The following ANKRD12 variants were observed in gnomAD, a reference collection of about 807,000 sequenced individuals.
ANKRD12 encodes the protein ankyrin repeat domain 12, also known as ankyrin repeat domain-containing protein 12.
A neutral mutation model predicts 183.4 loss-of-function variants in ANKRD12; 85 were observed. The ratio of observed to expected loss-of-function variants is 0.46; its 90% CI spans 0.39 to 0.56. The LOEUF (loss-of-function observed/expected upper bound fraction) is 0.56. Ranked by LOEUF, ANKRD12 falls within the 20% of genes least tolerant of loss-of-function variation. The pLI is 0.00. For missense variants in ANKRD12, 2,405 were observed against 2,357.1 expected, an observed-to-expected ratio of 1.02 and a Z score of -0.42; for synonymous variants, 914 against 800.2, an observed-to-expected ratio of 1.14 and a Z score of -2.40.
In ANKRD12 at chr18:9,279,535, C is replaced by G; in HGVS notation, c.5908-14C>G. On this transcript the variant is annotated splice_polypyrimidine_tract_variant and intron_variant, in intron 11 of 12. Transcript: ENST00000262126. ...GATTTATTGTATTTTATAATACTCA[C>G]TTTTCTCTTTTAGTCTGATGACAGT... The G allele has an allele frequency of 1.3e-6, 2 of 1,496,772 alleles. No homozygotes were observed. Among genetic ancestry groups the G allele is most frequent in the East Asian group, 4.5e-5 (2 of 44,054 alleles). 92.7% of individuals were successfully genotyped at this position (1,496,772 alleles called of 1,614,324 possible).
At chr18:9,203,547 T>C (rs751981234) in intron 3 of ANKRD12, among the ~76,000 whole-genome samples, 22 of 152,284 alleles carry the variant, frequency 1.4e-4, no homozygotes, top group Non-Finnish European at 3.2e-4. Flanking sequence ...CATATTTCTC[T>C]GTCATGAATT....
chr18:9,204,046 T>C (rs1324604119), intron 3 of ANKRD12, among the ~76,000 whole-genome samples: 1 of 152,244 alleles, frequency 6.6e-6, no homozygotes, highest in Non-Finnish European at 1.5e-5. Context: ...TGTAGGATGA[T>C]GTTGCAGTCC....
intron 7 of ANKRD12, among the ~76,000 whole-genome samples, 178 bp from the exon 8 acceptor site, chr18:9,221,674 G>A (rs1156288066): frequency 1.3e-5 from 2 of 152,132 alleles, no homozygotes; most frequent in African/African-American, 4.8e-5. Context: ...TTATCAGATA[G>A]GGGAGTGTCA....
chr18:9,175,472 C>G (rs1444823337), intron 1 of ANKRD12, among the ~76,000 whole-genome samples: 1 of 147,500 alleles, frequency 6.8e-6, no homozygotes, highest in Non-Finnish European at 1.5e-5. Flanking sequence ...CAGAAATGGT[C>G]CCAAGGCTTC....
At chr18:9,270,711 A>G (rs545451307) in intron 10 of ANKRD12, among the ~76,000 whole-genome samples, 17 of 152,216 alleles carry the variant, frequency 1.1e-4, no homozygotes, top group Non-Finnish European at 2.2e-4. Flanking sequence ...GCACATGTAT[A>G]CATATGTAAC....
intron 2 of ANKRD12, among the ~76,000 whole-genome samples, chr18:9,186,417 T>C (rs1308481999): frequency 6.6e-6 from 1 of 152,210 alleles, no homozygotes; most frequent in East Asian, 1.9e-4. Context: ...TCTCAGTCTC[T>C]GTTTAACTGT....
intron 1 of ANKRD12, among the ~76,000 whole-genome samples, chr18:9,151,914 T>C (rs1423896114): frequency 1.3e-5 from 2 of 152,176 alleles, no homozygotes; most frequent in Non-Finnish European, 2.9e-5. Context: ...ATAATATAGA[T>C]GATGAAATTA....
Position 9,272,704 on chromosome 18 carries a change from G to A in ANKRD12, c.5764-2820G>A, listed in dbSNP as rs564179466. ...TGGCTATTTTTAATTTTGCATCAAG[G>A]TTTTGGATATGTATTACTTCAAGTT... On this transcript the variant is annotated intron_variant, in intron 10 of 12. Coordinates refer to ENST00000262126, the MANE Select transcript of ANKRD12 (RefSeq NM_015208.5). 1.7e-4 allele frequency among the ~76,000 whole-genome samples: 26 copies of A among 152,242 alleles called. No homozygotes were observed. The South Asian group carries it at 5.4e-3, about 32-fold the overall frequency.
In ANKRD12 at chr18:9,283,353, T is replaced by C. The variant is rs1010620816; in HGVS notation, c.*2227T>C. The C allele has an allele frequency of 6.6e-6, 1 of 152,132 alleles. No homozygotes were observed. The highest frequency in any genetic ancestry group is 2.4e-5 in the African/African-American group (1 of 41,428). The allele number at this position is 152,132 out of a possible 1,614,324, so 9.4% of individuals were successfully genotyped here. A position where few individuals can be genotyped will look rare whatever the true frequency, so the allele number is the denominator to read the frequency against. On this transcript the variant is annotated 3_prime_UTR_variant, in exon 13 of 13. Coordinates refer to ENST00000262126, the MANE Select transcript of ANKRD12 (RefSeq NM_015208.5). Reference sequence around the variant, plus strand: ...TAACCACAGTTCTCACTCTCTTAAATGGTACCTCAAAAAGCTGGAGCCTCT... The same window carrying C: ...TAACCACAGTTCTCACTCTCTTAAACGGTACCTCAAAAAGCTGGAGCCTCT...
At chr18:9,185,249 A>G (rs979596389) in intron 2 of ANKRD12, among the ~76,000 whole-genome samples, 2 of 152,196 alleles carry the variant, frequency 1.3e-5, no homozygotes, top group African/African-American at 2.4e-5. Context: ...TTCTGTAGTC[A>G]GTGAGTCAGG....
intron 1 of ANKRD12, among the ~76,000 whole-genome samples, chr18:9,158,328 G>T (rs568473589): frequency 6.6e-6 from 1 of 152,100 alleles, no homozygotes; most frequent in Admixed American, 6.5e-5. Flanking sequence ...TTTTTTGAAT[G>T]TCCTTTTTCT....
chr18:9,157,579 G>A (rs372290847), intron 1 of ANKRD12, among the ~76,000 whole-genome samples: 1,999 of 112,322 alleles, frequency 0.018, 31 homozygotes, highest in Non-Finnish European at 0.027. Context: ...GTGTGTGTGT[G>A]TGTGTGTATA....
chr18:9,213,258 A>G (rs1463630052), intron 6 of ANKRD12, among the ~76,000 whole-genome samples: 3 of 151,940 alleles, frequency 2.0e-5, no homozygotes, highest in African/African-American at 7.2e-5. Context: ...TGAGTGGGGA[A>G]TGGTGTGATA....
At chr18:9,249,269 A>AC (rs1217799749) in intron 8 of ANKRD12, among the ~76,000 whole-genome samples, 1 of 151,906 alleles carries the variant, frequency 6.6e-6, no homozygotes, top group African/African-American at 2.4e-5. Context: ...CCACACTCTC[A>AC]CCCCTCTCAT....
At chr18:9,157,373 C>G (rs747749972) in intron 1 of ANKRD12, among the ~76,000 whole-genome samples, 1 of 151,844 alleles carries the variant, frequency 6.6e-6, no homozygotes, top group Non-Finnish European at 1.5e-5. Flanking sequence ...GAGTATACTA[C>G]CACATACCAA....
rs763980108 is a variant in ANKRD12 at position 9,256,665 on chromosome 18, C to A, written c.3398C>A (p.Ser1133Tyr). The change falls in exon 9 of 13, where the codon TCC becomes TAC. Residue 1133 changes from serine (S) to tyrosine (Y), a missense_variant. Ser to Tyr is a moderately radical substitution (Grantham distance 144). Around this residue, in one of 7 missense-constraint regions of ANKRD12, gnomAD observed 1,983 missense variants for 1,725.9 expected, o/e 1.15. Transcript: ENST00000262126. ...AAAACAAAGCATACACCAACTGAATCCAAAAATAAAGAACTTACTAGGTCA... is the reference window on the plus strand; with the variant it reads ...AAAACAAAGCATACACCAACTGAATACAAAAATAAAGAACTTACTAGGTCA... ...KEKTKHTPTESKNKELTRSKS... is the reference protein window; with the variant it reads ...KEKTKHTPTEYKNKELTRSKS... 1 of 1,606,712 alleles carries A rather than the reference C, an allele frequency of 6.2e-7. No individual in the cohort carries two copies. The highest frequency in any genetic ancestry group is 1.1e-5 in the South Asian group (1 of 88,842).
chr18:9,179,226 G>A (rs148549535), intron 1 of ANKRD12, among the ~76,000 whole-genome samples: 1 of 152,246 alleles, frequency 6.6e-6, no homozygotes, highest in African/African-American at 2.4e-5. Context: ...AATAAGGCCT[G>A]TTTTACCACT....
intron 3 of ANKRD12, among the ~76,000 whole-genome samples, chr18:9,196,923 A>T (rs1022323660): frequency 4.6e-5 from 7 of 151,984 alleles, no homozygotes; most frequent in Non-Finnish European, 7.4e-5. Context: ...GAGGGTGCTT[A>T]TGTGCCTTTG....
chr18:9,235,358 A>G (rs936311637), intron 8 of ANKRD12, among the ~76,000 whole-genome samples: 1 of 152,198 alleles, frequency 6.6e-6, no homozygotes, highest in African/African-American at 2.4e-5. Context: ...AAGAAAAATC[A>G]TTTATCTTGC....
Sources: gnomAD v4.1 joint callset for allele counts (sites outside exome capture counted in the v4.1 genomes callset) on GRCh38, gnomAD v4.1.1 for gene constraint, gnomAD v4.1.1 regional missense constraint, MANE v1.5 for transcripts, NCBI Gene and HGNC (gene_info 2026-07-23, HGNC 2026-07-21) for gene names.